MCM2: variants seen among roughly 807,000 people sequenced by gnomAD.
MCM2 encodes DNA replication licensing factor MCM2.
MCM2 carries 49 observed loss-of-function variants against 86.4 expected under a neutral mutation model. That is an observed-to-expected ratio of 0.57 (90% CI 0.45 to 0.72). The LOEUF (loss-of-function observed/expected upper bound fraction) is 0.72, where lower values mean the gene tolerates loss of function less well. MCM2 is among the 30% of genes least tolerant of loss of function. The pLI, the probability that MCM2 is intolerant of heterozygous loss-of-function variation, is 0.00. For missense variants in MCM2, 1,038 were observed against 1,259.9 expected (o/e 0.82, Z 2.67); for synonymous variants, 475 against 484.6 (o/e 0.98, Z 0.26).
chr3:127,604,456 T>C (rs1180365623), intron 2 of MCM2, 152 bp from the exon 3 acceptor site: 1 of 714,824 alleles, frequency 1.4e-6, no homozygotes, highest in Non-Finnish European at 2.4e-6. Context: ...GGAGATCTTT[T>C]CTGAGCCTTC....
At chr3:127,611,331 T>C (rs1409984313) in intron 8 of MCM2, among the ~76,000 whole-genome samples, 1 of 152,250 alleles carries the variant, frequency 6.6e-6, no homozygotes, top group East Asian at 1.9e-4. Flanking sequence ...AGGAGCTGCA[T>C]GCTTGAGGAA....
chr3:127,619,978 T>C (rs1456343311), intron 13 of MCM2, among the ~76,000 whole-genome samples: 5 of 152,156 alleles, frequency 3.3e-5, no homozygotes, highest in East Asian at 1.9e-4. Context: ...AGTGAAACCC[T>C]GTTTCAAAAA....
Position 127,604,793 on chromosome 3 carries a change from G to C in MCM2, c.412+10G>C, listed in dbSNP as rs371150723. The C allele has an allele frequency of 6.3e-7, 1 of 1,580,236 alleles. No individual in the cohort carries two copies. ...CGTGGGCTCCTGTATGGTAGGTCCAGTTGTCTGCCTGCCCGAGGGACTGGG... is the reference window on the plus strand; with the variant it reads ...CGTGGGCTCCTGTATGGTAGGTCCACTTGTCTGCCTGCCCGAGGGACTGGG... On this transcript the variant is annotated intron_variant, in intron 3 of 15. Coordinates refer to ENST00000265056, the MANE Select transcript of MCM2 (RefSeq NM_004526.4).
chr3:127,620,562 A>G, intron 13 of MCM2, 136 bp from the exon 14 acceptor site: 1 of 831,456 alleles, frequency 1.2e-6, no homozygotes, highest in Non-Finnish European at 1.9e-6. Flanking sequence ...TGGGCAGCGC[A>G]GTCAAGCATT....
In MCM2 at chr3:127,617,554, G is replaced by A; in HGVS notation, c.1900+149G>A. 4 of 1,011,470 alleles carry A rather than the reference G, an allele frequency of 4.0e-6. No homozygotes were observed. The highest frequency in any genetic ancestry group is 5.6e-6 in the Non-Finnish European group (4 of 712,290). The allele number at this position is 1,011,470 out of a possible 1,614,324, so 62.7% of individuals were successfully genotyped here. ...CCCCTCTTCTGCATATCCTGCCAGA[G>A]TGGGGAACAGTGAAAGTGGGACCTG... On this transcript the variant is annotated intron_variant, in intron 11 of 15. Coordinates refer to ENST00000265056, the MANE Select transcript of MCM2 (RefSeq NM_004526.4). The surrounding 1 kb of genome is among the most constrained non-coding windows in gnomAD (Gnocchi z 4.1).
In MCM2 at chr3:127,616,734, T is replaced by C. The variant is rs896388214; in HGVS notation, c.1523-134T>C. The C allele has an allele frequency of 9.2e-6, 9 of 981,092 alleles. No homozygotes were observed. In the Admixed American group the frequency reaches 2.0e-4, roughly 22 times the overall value. 60.8% of individuals were successfully genotyped at this position (981,092 alleles called of 1,614,324 possible). On this transcript the variant is annotated intron_variant, in intron 9 of 15. Coordinates refer to ENST00000265056, the MANE Select transcript of MCM2 (RefSeq NM_004526.4). Reference sequence around the variant, plus strand: ...AGTGGGACTGCATGGCGTAGGGCATTGTATCCCTTTCTAGAGGGACTGTGC... The same window carrying C: ...AGTGGGACTGCATGGCGTAGGGCATCGTATCCCTTTCTAGAGGGACTGTGC...
intron 8 of MCM2, among the ~76,000 whole-genome samples, chr3:127,611,557 C>T (rs1576416637): frequency 6.6e-6 from 1 of 152,180 alleles, no homozygotes; most frequent in Non-Finnish European, 1.5e-5. Flanking sequence ...CTACCCCGCT[C>T]CCGTGTCTTG....
In MCM2 at chr3:127,621,330, CTTG is replaced by C. The variant is rs780884746; in HGVS notation, c.2604+103_2604+105del. On this transcript the variant is annotated intron_variant, in intron 15 of 15. Coordinates refer to ENST00000265056, the MANE Select transcript of MCM2 (RefSeq NM_004526.4). ...ATAATGGGTCATGAAGTGGGTGGGCCTTGGTTGACAGCCATTTATTGAATGCTT... is the reference window on the plus strand; with the variant it reads ...ATAATGGGTCATGAAGTGGGTGGGCCGTTGACAGCCATTTATTGAATGCTT... 6.6e-4 allele frequency: 927 copies of C among 1,403,236 alleles called. 2 individuals carry two copies. The highest frequency in any genetic ancestry group is 8.6e-4 in the Non-Finnish European group (879 of 1,022,092). The allele number at this position is 1,403,236 out of a possible 1,614,324, so 86.9% of individuals were successfully genotyped here.
chr3:127,619,260 C>T lies in MCM2; in HGVS notation c.2247C>T (p.Asp749=). Residue 749 remains aspartate (D), a synonymous_variant, in exon 13 of 16, where the codon GAC becomes GAT. Transcript: ENST00000265056. ...DQDKVAKMYS[D]LRKESMATGS... is the part of the protein sequence containing the mutation. ...ACAAGGTGGCCAAGATGTACAGTGA[C>T]CTGAGGAAAGAATCTATGGTGAGAG... 6.2e-7 allele frequency: 1 copy of T among 1,613,686 alleles called. No homozygotes were observed. Among genetic ancestry groups the T allele is most frequent in the South Asian group, 1.1e-5 (1 of 91,076 alleles).
In MCM2 at chr3:127,617,734, C is replaced by T. The variant is rs2074444356; in HGVS notation, c.1901-235C>T. 2 of 590,242 alleles carry T rather than the reference C, an allele frequency of 3.4e-6. No homozygotes were observed. Among genetic ancestry groups the T allele is most frequent in the South Asian group, 4.0e-5 (2 of 49,552 alleles). The allele number at this position is 590,242 out of a possible 1,614,324, so 36.6% of individuals were successfully genotyped here. On this transcript the variant is annotated intron_variant, in intron 11 of 15. Transcript: ENST00000265056. This position sits in a 1 kb window ranked among gnomAD's most constrained non-coding sequence, Gnocchi z 4.1. ...AAAAGAACCCAGGCTCTGTCACCCACTGTGTTCTTGGTTTTTCCTCCTGGG... is the reference window on the plus strand; with the variant it reads ...AAAAGAACCCAGGCTCTGTCACCCATTGTGTTCTTGGTTTTTCCTCCTGGG...
chr3:127,609,246 A>G (rs1370363990), intron 8 of MCM2, among the ~76,000 whole-genome samples: 1 of 152,164 alleles, frequency 6.6e-6, no homozygotes, highest in East Asian at 1.9e-4. Flanking sequence ...CCAGCGAGGT[A>G]GTGGGATAAC....
At position 127,604,618 on chromosome 3, in the gene MCM2, G is replaced by T. The variant is rs768536290; in HGVS notation, c.247G>T (p.Ala83Ser). Residue 83 changes from alanine to serine, a missense_variant, in exon 3 of 16, where the codon GCC becomes TCC. By Grantham distance (99) the Ala-to-Ser change is moderately conservative (BLOSUM62 1). Around this residue, in one of 4 missense-constraint regions of MCM2, gnomAD observed 300 missense variants for 307.4 expected, o/e 0.98. Transcript: ENST00000265056. ...TTGGTGCTCCCTCAGGGACTACCGCGCCATCCCAGAGCTGGACGCCTATGA... is the reference window on the plus strand; with the variant it reads ...TTGGTGCTCCCTCAGGGACTACCGCTCCATCCCAGAGCTGGACGCCTATGA... Reference protein sequence around the residue: ...IGDGMERDYRAIPELDAYEAE... With the variant: ...IGDGMERDYRSIPELDAYEAE... 1 of 1,613,032 alleles carries T rather than the reference G, an allele frequency of 6.2e-7. No individual in the cohort carries two copies. Among genetic ancestry groups the T allele is most frequent in the Non-Finnish European group, 8.5e-7 (1 of 1,179,862 alleles).
At position 127,604,658 on chromosome 3, in the gene MCM2, C is replaced by T; in HGVS notation, c.287C>T (p.Ala96Val). 1 of 1,613,080 alleles carries T rather than the reference C, an allele frequency of 6.2e-7. No homozygotes were observed. Reference sequence around the variant, plus strand: ...GACGCCTATGAGGCCGAGGGACTGGCTCTGGATGATGAGGACGTAGAGGAG... The same window carrying T: ...GACGCCTATGAGGCCGAGGGACTGGTTCTGGATGATGAGGACGTAGAGGAG... ...ELDAYEAEGLALDDEDVEELT... is the reference protein window; with the variant it reads ...ELDAYEAEGLVLDDEDVEELT... The change falls in exon 3 of 16, where the codon GCT becomes GTT. Residue 96 changes from alanine to valine, a missense_variant. Coordinates refer to ENST00000265056, the MANE Select transcript of MCM2 (RefSeq NM_004526.4).
intron 2 of MCM2, among the ~76,000 whole-genome samples, chr3:127,603,862 A>G (rs763760446): frequency 2.6e-5 from 4 of 151,832 alleles, no homozygotes; most frequent in Non-Finnish European, 5.9e-5. Flanking sequence ...GAGTTTTACC[A>G]TGTTCGCCAG....
In MCM2 at chr3:127,618,303, C is replaced by T. The variant is rs556236363; in HGVS notation, c.2013+222C>T. Among the ~76,000 whole-genome samples the T allele has an allele frequency of 6.6e-6, 1 of 152,254 alleles. No homozygotes were observed. The highest frequency in any genetic ancestry group is 1.9e-4 in the East Asian group (1 of 5,176). ...CCACCCTACATAACCCACAATCCACCAAATCCTGTTGTCCCAACTCCTGAG... is the reference window on the plus strand; with the variant it reads ...CCACCCTACATAACCCACAATCCACTAAATCCTGTTGTCCCAACTCCTGAG... On this transcript the variant is annotated intron_variant, in intron 12 of 15. Transcript: ENST00000265056. The surrounding 1 kb of genome is among the most constrained non-coding windows in gnomAD (Gnocchi z 4.0).
Position 127,599,346 on chromosome 3 carries a change from C to A in MCM2, c.35C>A (p.Ser12Tyr). The A allele has an allele frequency of 1.2e-6, 2 of 1,614,186 alleles. No individual in the cohort carries two copies. Among genetic ancestry groups the A allele is most frequent in the Non-Finnish European group, 1.7e-6 (2 of 1,180,028 alleles). ...TCATCGGAATCCTTCACCATGGCATCCAGCCCGGCCCAGCGTCGGCGAGGC... is the reference window on the plus strand; with the variant it reads ...TCATCGGAATCCTTCACCATGGCATACAGCCCGGCCCAGCGTCGGCGAGGC... ...AESSESFTMA[S>Y]SPAQRRRGND... The change falls in exon 2 of 16, where the codon TCC becomes TAC. Residue 12 changes from serine (S) to tyrosine (Y), a missense_variant. Ser to Tyr is a moderately radical substitution (Grantham distance 144). Coordinates refer to ENST00000265056, the MANE Select transcript of MCM2 (RefSeq NM_004526.4).
chr3:127,608,565 G>A, intron 7 of MCM2, 49 bp downstream of exon 7: 1 of 1,608,374 alleles, frequency 6.2e-7, no homozygotes, highest in South Asian at 1.1e-5. Flanking sequence ...AGAGGGAACT[G>A]GCAGAAGCAG....
In MCM2 at chr3:127,618,984, C is replaced by A; in HGVS notation, c.2014-43C>A. ...CCAGCCACTGACCTCCCCAAAGCCACGCACACCCACAATCAGACCCACCCT... is the reference window on the plus strand; with the variant it reads ...CCAGCCACTGACCTCCCCAAAGCCAAGCACACCCACAATCAGACCCACCCT... On this transcript the variant is annotated intron_variant, in intron 12 of 15. Coordinates refer to ENST00000265056, the MANE Select transcript of MCM2 (RefSeq NM_004526.4). This position sits in a 1 kb window ranked among gnomAD's most constrained non-coding sequence, Gnocchi z 4.0. The A allele has an allele frequency of 6.6e-7, 1 of 1,526,148 alleles. No individual in the cohort carries two copies. Among genetic ancestry groups the A allele is most frequent in the East Asian group, 2.3e-5 (1 of 42,856 alleles). 94.5% of individuals were successfully genotyped at this position (1,526,148 alleles called of 1,614,324 possible).
In MCM2 at chr3:127,604,723, C is replaced by G; in HGVS notation, c.352C>G (p.Arg118Gly). 1 of 1,611,182 alleles carries G rather than the reference C, an allele frequency of 6.2e-7. No individual in the cohort carries two copies. The highest frequency in any genetic ancestry group is 8.5e-7 in the Non-Finnish European group (1 of 1,179,462). The change falls in exon 3 of 16, where the codon CGG becomes GGG. Residue 118 changes from arginine to glycine, a missense_variant. By Grantham distance (125) the Arg-to-Gly change is moderately radical. This residue lies in a region of MCM2 where 300 missense variants were observed against 307.4 expected (regional missense o/e 0.98). Coordinates refer to ENST00000265056, the MANE Select transcript of MCM2 (RefSeq NM_004526.4). Reference protein sequence around the residue: ...SQREAAERAMRQRDREAGRGL... With the variant: ...SQREAAERAMGQRDREAGRGL... ...GAGGGAGGCAGCAGAGCGGGCCATG[C>G]GGCAGCGTGACCGGGAGGCTGGCCG...
Sources: gnomAD v4.1 joint callset for allele counts (sites outside exome capture counted in the v4.1 genomes callset) on GRCh38, gnomAD v4.1.1 for gene constraint, gnomAD v4.1.1 regional missense constraint, Gnocchi (gnomAD v3.1) non-coding constraint, MANE v1.5 for transcripts, NCBI Gene and HGNC (gene_info 2026-07-23, HGNC 2026-07-21) for gene names.